SFXN2: variants seen among roughly 807,000 people sequenced by gnomAD.
SFXN2 encodes sideroflexin-2.
A neutral mutation model predicts 41.9 loss-of-function variants in SFXN2; 37 were observed. That is an observed-to-expected ratio of 0.88 (90% CI 0.68 to 1.16). SFXN2 has a LOEUF of 1.16. SFXN2 is among the 50% of genes most tolerant of loss of function. The pLI, the probability that SFXN2 is intolerant of heterozygous loss-of-function variation, is 0.00. For synonymous variants in SFXN2, 150 were observed against 156.7 expected, an observed-to-expected ratio of 0.96 and a Z score of 0.32; for missense variants, 386 against 425.2, an observed-to-expected ratio of 0.91 and a Z score of 0.81.
At chr10:102,728,174 C>T (rs1351943463) in intron 3 of SFXN2, among the ~76,000 whole-genome samples, 1 of 152,128 alleles carries the variant, frequency 6.6e-6, no homozygotes, top group Non-Finnish European at 1.5e-5. Flanking sequence ...TGGTGTGTGC[C>T]TGTAGTCCCA....
At chr10:102,733,046 A>G in intron 9 of SFXN2, 138 bp downstream of exon 9, 1 of 838,220 alleles carries the variant, frequency 1.2e-6, no homozygotes. Context: ...AGCCCACACC[A>G]ATCTCCACTG....
intron 1 of SFXN2, among the ~76,000 whole-genome samples, chr10:102,718,797 T>C (rs570004184): frequency 6.6e-6 from 1 of 152,226 alleles, no homozygotes; most frequent in South Asian, 2.1e-4. Flanking sequence ...GCCTCCTTTC[T>C]TGAACTTGAA....
At chr10:102,717,372 TC>T (rs1396288233) in intron 1 of SFXN2, among the ~76,000 whole-genome samples, 1 of 152,110 alleles carries the variant, frequency 6.6e-6, no homozygotes, top group Non-Finnish European at 1.5e-5. Flanking sequence ...TCGTGATCCG[TC>T]CGCCTCGGCC....
chr10:102,731,610 G>A (rs2064705065), intron 6 of SFXN2, 113 bp from the exon 7 acceptor site: 3 of 793,426 alleles, frequency 3.8e-6, no homozygotes, highest in Non-Finnish European at 6.6e-6. Context: ...CCAGGCTACA[G>A]GAGGTGGCTT....
At chr10:102,731,043 G>A (rs1452556118) in intron 6 of SFXN2, among the ~76,000 whole-genome samples, 3 of 151,466 alleles carry the variant, frequency 2.0e-5, no homozygotes, top group East Asian at 1.9e-4. Context: ...AGCCAAGATC[G>A]CACCACTGCA....
chr10:102,731,908 C>G (rs1234717583), intron 7 of SFXN2, 125 bp downstream of exon 7: 2 of 860,326 alleles, frequency 2.3e-6, no homozygotes, highest in African/African-American at 3.4e-5. Context: ...ATCCTCACTC[C>G]CTATCAAATT....
intron 1 of SFXN2, among the ~76,000 whole-genome samples, chr10:102,717,379 C>T (rs1197893049): frequency 2.6e-5 from 4 of 152,032 alleles, no homozygotes; most frequent in Non-Finnish European, 5.9e-5. Flanking sequence ...CCGTCCGCCT[C>T]GGCCTCCTAA....
chr10:102,721,549 T>C (rs1434871973), intron 1 of SFXN2, among the ~76,000 whole-genome samples: 1 of 147,664 alleles, frequency 6.8e-6, no homozygotes, highest in Middle Eastern at 3.3e-3. Context: ...TAAATAAATG[T>C]ATATATAAAT....
rs776920423 is a variant in SFXN2, at chr10:102,726,801, A to G, written c.161+4A>G. 1 of 1,613,968 alleles carries G rather than the reference A, an allele frequency of 6.2e-7. No homozygotes were observed. Among genetic ancestry groups the G allele is most frequent in the Non-Finnish European group, 8.5e-7 (1 of 1,179,968 alleles). ...AGGTGATGGTGGAGAAGAGCAGGTG[A>G]GGGGTCGGGGAAGGGGCTGGAAGTA... On this transcript the variant is annotated splice_donor_region_variant and intron_variant, in intron 2 of 11. Coordinates refer to ENST00000369893, the MANE Select transcript of SFXN2 (RefSeq NM_178858.6).
At chr10:102,735,206 C>G (rs777669044) in intron 10 of SFXN2, among the ~76,000 whole-genome samples, 2 of 150,680 alleles carry the variant, frequency 1.3e-5, no homozygotes, top group Non-Finnish European at 3.0e-5. Context: ...CATGTTGCTC[C>G]TCCCCTCCAT....
At chr10:102,719,330 T>C (rs2064468473) in intron 1 of SFXN2, among the ~76,000 whole-genome samples, 1 of 151,774 alleles carries the variant, frequency 6.6e-6, no homozygotes, top group Non-Finnish European at 1.5e-5. Context: ...CAATCAATTC[T>C]TGTGCCTCAG....
chr10:102,731,635 G>A, intron 6 of SFXN2, 88 bp from the exon 7 acceptor site: 1 of 1,130,074 alleles, frequency 8.8e-7, no homozygotes, highest in South Asian at 1.3e-5. Flanking sequence ...GAGCTTAAGT[G>A]GCCTGGCCTT....
At chr10:102,737,344 TATACCCA>T (rs2064794955) in intron 11 of SFXN2, among the ~76,000 whole-genome samples, 1 of 152,058 alleles carries the variant, frequency 6.6e-6, no homozygotes, top group Non-Finnish European at 1.5e-5. Context: ...AGCTTGAATA[TATACCCA>T]GACAATTCCA....
intron 3 of SFXN2, among the ~76,000 whole-genome samples, chr10:102,728,126 C>A (rs1230887012): frequency 6.6e-6 from 1 of 152,044 alleles, no homozygotes; most frequent in African/African-American, 2.4e-5. Context: ...TGGTGAAACC[C>A]CGTCTCTACT....
Position 102,737,680 on chromosome 10 carries a change from A to G in SFXN2, c.887A>G (p.Tyr296Cys), listed in dbSNP as rs748160854. 4.3e-6 allele frequency: 7 copies of G among 1,612,526 alleles called. No homozygotes were observed. The highest frequency in any genetic ancestry group is 2.7e-5 in the African/African-American group (2 of 74,900). ...CTTTTCAGTGAATTGCCAGTTTCCT[A>G]TCTGGAACCGAAGCTCCAAGACACT... ...FPQKCELPVS[Y>C]LEPKLQDTIK... Residue 296 changes from tyrosine to cysteine, a missense_variant, in exon 12 of 12, where the codon TAT becomes TGT. Tyr to Cys is a radical substitution (Grantham distance 194, BLOSUM62 -2). Transcript: ENST00000369893.
At chr10:102,733,661 CGTCTT>C in intron 10 of SFXN2, 58 bp downstream of exon 10, 1 of 1,424,294 alleles carries the variant, frequency 7.0e-7, no homozygotes, top group Non-Finnish European at 9.9e-7. Flanking sequence ...CAAGATGTGT[CGTCTT>C]GTCTAGCCCG....
chr10:102,721,269 C>T (rs1205134661), intron 1 of SFXN2, among the ~76,000 whole-genome samples: 2 of 151,806 alleles, frequency 1.3e-5, no homozygotes, highest in Admixed American at 6.6e-5. Flanking sequence ...AATCCCAGCA[C>T]TTAGGGAGGA....
rs982553299 is a variant in SFXN2 at position 102,726,701 on chromosome 10, G to T, written c.65G>T (p.Gly22Val). Residue 22 changes from glycine (G) to valine (V), a missense_variant, in exon 2 of 12, where the codon GGG (glycine) becomes GTG (valine). By Grantham distance (109) the Gly-to-Val change is moderately radical. Transcript: ENST00000369893. ...CGTTGGGACCAGCGCACCTTCCTGG[G>T]GAGAGTGAAGCACTTCCTAAACATC... is the stretch of plus-strand genomic sequence containing the variant. ...APRWDQRTFL[G>V]RVKHFLNITD... The T allele has an allele frequency of 4.3e-6, 7 of 1,614,110 alleles. No homozygotes were observed. In the African/African-American group the frequency reaches 9.3e-5, roughly 22 times the overall value.
At chr10:102,733,500 AC>A in intron 9 of SFXN2, 53 bp from the exon 10 acceptor site, 1 of 1,462,536 alleles carries the variant, frequency 6.8e-7, no homozygotes, top group Non-Finnish European at 9.6e-7. Flanking sequence ...GTTGGGGTTC[AC>A]CTTAAGGCAT....
Sources: gnomAD v4.1 joint callset for allele counts (sites outside exome capture counted in the v4.1 genomes callset) on GRCh38, gnomAD v4.1.1 for gene constraint, MANE v1.5 for transcripts, NCBI Gene and HGNC (gene_info 2026-07-23, HGNC 2026-07-21) for gene names.